KRT23: variants seen among roughly 807,000 people sequenced by gnomAD.
The protein encoded by KRT23 is keratin, type I cytoskeletal 23.
In KRT23, 38 loss-of-function variants were observed where a neutral mutation model predicts 47.6. The observed-to-expected ratio is 0.80, with a 90% CI of 0.62 to 1.05. The LOEUF is 1.05. KRT23 is among the 50% of genes least tolerant of loss of function. The probability of loss-of-function intolerance (pLI) is 0.00; values close to 1 mark genes in which losing one functional copy is unlikely to be tolerated. For synonymous variants in KRT23, 191 were observed against 199.0 expected, an observed-to-expected ratio of 0.96 and a Z score of 0.34; for missense variants, 503 against 529.5, an observed-to-expected ratio of 0.95 and a Z score of 0.49.
chr17:40,928,417 T>C lies in KRT23; in HGVS notation c.798+29A>G, dbSNP rs772672058. 21 of 1,614,034 alleles carry C rather than the reference T, an allele frequency of 1.3e-5. No individual in the cohort carries two copies. The South Asian group carries it at 2.0e-4, about 15-fold the overall frequency. On this transcript the variant is annotated intron_variant, in intron 5 of 8. Transcript: ENST00000209718. Reference sequence around the variant, plus strand: ...ATTGGGACCTCATGGAAATGCAACCTTTGGGAAGTTTGTGCATCTTTCTTT... The same window carrying C: ...ATTGGGACCTCATGGAAATGCAACCCTTGGGAAGTTTGTGCATCTTTCTTT...
chr17:40,929,840 T>C (rs1909521020), intron 4 of KRT23, 100 bp downstream of exon 4: 3 of 971,236 alleles, frequency 3.1e-6, no homozygotes, highest in Non-Finnish European at 4.6e-6. Context: ...GACAAGGGGA[T>C]TGGCATCCAG....
chr17:40,929,323 T>C (rs922974893), intron 4 of KRT23, among the ~76,000 whole-genome samples: 8 of 152,230 alleles, frequency 5.3e-5, no homozygotes, highest in East Asian at 3.8e-4. Context: ...CTGACGCCCA[T>C]AGGATTTCAT....
At chr17:40,934,408 C>A (rs1242556911) in intron 2 of KRT23, among the ~76,000 whole-genome samples, 1 of 152,148 alleles carries the variant, frequency 6.6e-6, no homozygotes, top group African/African-American at 2.4e-5. Flanking sequence ...GAAGGGTGGG[C>A]AGGTTGCTCC....
intron 5 of KRT23, 32 bp from the exon 6 acceptor site, chr17:40,928,392 A>G (rs1255162115): frequency 1.2e-6 from 2 of 1,614,052 alleles, no homozygotes; most frequent in Non-Finnish European, 8.5e-7. Flanking sequence ...AGGCGTCAGC[A>G]TTGGGACCTC....
chr17:40,932,017 G>A (rs1479651525), intron 2 of KRT23, among the ~76,000 whole-genome samples: 1 of 152,138 alleles, frequency 6.6e-6, no homozygotes, highest in Non-Finnish European at 1.5e-5. Context: ...TTTCTAATCA[G>A]TGTTACTGAG....
At chr17:40,929,415 A>G (rs1909486523) in intron 4 of KRT23, among the ~76,000 whole-genome samples, 1 of 152,264 alleles carries the variant, frequency 6.6e-6, no homozygotes, top group Non-Finnish European at 1.5e-5. Flanking sequence ...TTTGATGTTG[A>G]GAAGCAATTT....
chr17:40,927,107 A>G (rs1400952110), intron 6 of KRT23, among the ~76,000 whole-genome samples: 4 of 151,968 alleles, frequency 2.6e-5, no homozygotes, highest in African/African-American at 9.7e-5. Context: ...TTTCCTGACC[A>G]CCTTGTTTAA....
chr17:40,925,429 A>G lies in KRT23; in HGVS notation c.1067T>C (p.Val356Ala). The change falls in exon 7 of 9, where the codon GTG becomes GCG. Residue 356 changes from valine to alanine, a missense_variant. Transcript: ENST00000209718. ...CAGGTGGGTTTTGATGCCCAGCAGC[A>G]CTTGGTATTCATTGTTCTGCCGCTC... is the stretch of plus-strand genomic sequence containing the variant. ...ELERQNNEYQ[V>A]LLGIKTHLEK... 1 of 1,614,054 alleles carries G rather than the reference A, an allele frequency of 6.2e-7. No individual in the cohort carries two copies. Among genetic ancestry groups the G allele is most frequent in the Non-Finnish European group, 8.5e-7 (1 of 1,180,026 alleles).
At chr17:40,929,643 G>A (rs1909505902) in intron 4 of KRT23, 3 of 293,386 alleles carry the variant, frequency 1.0e-5, no homozygotes, top group East Asian at 6.1e-5. Flanking sequence ...CCAGTCTCAC[G>A]CATTGATTCT....
At chr17:40,929,345 A>G (rs1224095060) in intron 4 of KRT23, among the ~76,000 whole-genome samples, 2 of 152,258 alleles carry the variant, frequency 1.3e-5, no homozygotes, top group African/African-American at 4.8e-5. Flanking sequence ...AAAACCAAGC[A>G]GCCACAGGAA....
At chr17:40,925,318 C>G in intron 7 of KRT23, 36 bp downstream of exon 7, 1 of 1,555,096 alleles carries the variant, frequency 6.4e-7, no homozygotes, top group Non-Finnish European at 8.9e-7. Context: ...GCTGGAGGTC[C>G]CTCGCATGCT....
At chr17:40,926,456 C>T (rs1242454501) in intron 6 of KRT23, among the ~76,000 whole-genome samples, 6 of 152,116 alleles carry the variant, frequency 3.9e-5, no homozygotes, top group East Asian at 1.9e-4. Context: ...TCCATGGCCT[C>T]GCTTCCTAAT....
intron 2 of KRT23, among the ~76,000 whole-genome samples, chr17:40,932,892 C>T (rs1056227908): frequency 7.9e-5 from 12 of 152,278 alleles, no homozygotes; most frequent in Middle Eastern, 3.4e-3. Context: ...TCCTGCTCCG[C>T]GCTTACTGGC....
intron 2 of KRT23, 102 bp downstream of exon 2, chr17:40,936,106 A>T: frequency 7.9e-7 from 1 of 1,268,716 alleles, no homozygotes; most frequent in Non-Finnish European, 1.1e-6. Context: ...TCAAGCGCTG[A>T]TGCCATTTTC....
chr17:40,929,084 A>G (rs192040678), intron 4 of KRT23, among the ~76,000 whole-genome samples: 2 of 151,588 alleles, frequency 1.3e-5, no homozygotes, highest in Non-Finnish European at 2.9e-5. Flanking sequence ...AATAGCCTCC[A>G]TGATTACTGA....
intron 6 of KRT23, among the ~76,000 whole-genome samples, chr17:40,926,659 G>A (rs145361172): frequency 3.4e-4 from 52 of 152,232 alleles, no homozygotes; most frequent in African/African-American, 1.2e-3. Flanking sequence ...ATTCCCACCA[G>A]CTTTCAAATA....
chr17:40,925,503 C>G lies in KRT23; in HGVS notation c.993G>C (p.Glu331Asp). The G allele has an allele frequency of 1.2e-6, 2 of 1,614,202 alleles. No individual in the cohort carries two copies. Among genetic ancestry groups the G allele is most frequent in the Non-Finnish European group, 1.7e-6 (2 of 1,180,028 alleles). The change falls in exon 7 of 9, where the codon GAG (glutamate) becomes GAC (aspartate). Residue 331 changes from glutamate to aspartate, a missense_variant. Transcript: ENST00000209718. ...RYSCKLQDMQ[E>D]IISHYEEELT... ...GTTCCTCCTCATAGTGGGAGATGAT[C>G]TCTTGCATGTCCTGGAGCTTGCAGG...
At chr17:40,931,493 C>G in intron 2 of KRT23, 38 bp from the exon 3 acceptor site, 1 of 1,461,018 alleles carries the variant, frequency 6.8e-7, no homozygotes, top group Non-Finnish European at 9.6e-7. Flanking sequence ...GGTTATCTCA[C>G]TTGGACACAC....
At chr17:40,935,818 G>A (rs1468078579) in intron 2 of KRT23, among the ~76,000 whole-genome samples, 1 of 152,208 alleles carries the variant, frequency 6.6e-6, no homozygotes, top group East Asian at 1.9e-4. Flanking sequence ...CACTGAGCAT[G>A]CAGCATGAAC....
Sources: allele counts gnomAD v4.1 joint callset (sites outside exome capture counted in the v4.1 genomes callset), GRCh38; gene constraint gnomAD v4.1.1; transcripts MANE v1.5; gene names NCBI Gene and HGNC (gene_info 2026-07-23, HGNC 2026-07-21).